AUH: variants seen among roughly 807,000 people sequenced by gnomAD.
AUH encodes the protein AU RNA binding methylglutaconyl-CoA hydratase.
AUH carries 29 observed loss-of-function variants against 42.3 expected under a neutral mutation model. That is an observed-to-expected ratio of 0.69 (90% CI 0.51 to 0.93). The LOEUF (loss-of-function observed/expected upper bound fraction) is 0.93, where lower values mean the gene tolerates loss of function less well. AUH is among the 40% of genes least tolerant of loss of function. AUH has a pLI of 0.00. For synonymous variants in AUH, 174 were observed against 166.4 expected (o/e 1.05, Z -0.35); for missense variants, 452 against 438.1 (o/e 1.03, Z -0.28).
At chr9:91,307,815 T>TAGGG (rs1412617910) in intron 4 of AUH, among the ~76,000 whole-genome samples, 1 of 152,196 alleles carries the variant, frequency 6.6e-6, no homozygotes, top group African/African-American at 2.4e-5. Flanking sequence ...AGACATCCAC[T>TAGGG]AGGGGTCTTG....
At chr9:91,281,850 A>T (rs1030149083) in intron 6 of AUH, among the ~76,000 whole-genome samples, 7 of 152,140 alleles carry the variant, frequency 4.6e-5, no homozygotes, top group African/African-American at 1.7e-4. Flanking sequence ...CTTCAACTAC[A>T]GCAACAGGCT....
chr9:91,320,033 T>C (rs1038311029), intron 4 of AUH, among the ~76,000 whole-genome samples: 1 of 152,228 alleles, frequency 6.6e-6, no homozygotes, highest in African/African-American at 2.4e-5. Flanking sequence ...GCTACAGACC[T>C]GTACAGATTC....
intron 4 of AUH, among the ~76,000 whole-genome samples, chr9:91,310,424 T>G (rs988444165): frequency 6.6e-5 from 10 of 152,204 alleles, no homozygotes; most frequent in African/African-American, 2.2e-4. Flanking sequence ...CTCAATCAGG[T>G]ACCTACCATG....
intron 1 of AUH, among the ~76,000 whole-genome samples, chr9:91,358,755 G>T (rs1307651840): frequency 6.6e-6 from 1 of 152,076 alleles, no homozygotes; most frequent in Admixed American, 6.5e-5. Context: ...AGCAATTTTG[G>T]TCCCATATCT....
At chr9:91,216,377 C>T (rs1181161618) in intron 8 of AUH, among the ~76,000 whole-genome samples, 2 of 152,004 alleles carry the variant, frequency 1.3e-5, no homozygotes, top group African/African-American at 4.8e-5. Flanking sequence ...AATTATAATG[C>T]TCACCAAATG....
At chr9:91,228,140 C>T (rs1319810288) in intron 6 of AUH, among the ~76,000 whole-genome samples, 4 of 151,708 alleles carry the variant, frequency 2.6e-5, no homozygotes, top group Admixed American at 1.3e-4. Flanking sequence ...ACCAGTTCCT[C>T]CTTGTACCTC....
Position 91,361,873 on chromosome 9 carries a change from G to T in AUH, c.17C>A (p.Ala6Glu), listed in dbSNP as rs957787337. 6.8e-6 allele frequency: 10 copies of T among 1,466,658 alleles called. No homozygotes were observed. Among genetic ancestry groups the T allele is most frequent in the East Asian group, 2.9e-5 (1 of 34,402 alleles). 90.9% of individuals were successfully genotyped at this position (1,466,658 alleles called of 1,614,324 possible). Residue 6 changes from alanine (A) to glutamate (E), a missense_variant, in exon 1 of 10, where the codon GCG becomes GAG. Ala to Glu is a moderately radical substitution (Grantham distance 107, BLOSUM62 -1). Transcript: ENST00000375731. Reference protein sequence around the residue: MAAAVAAAPGALGSLH... With the variant: MAAAVEAAPGALGSLH... ...GGATCCCAAGGCCCCAGGTGCCGCC[G>T]CCACCGCGGCCGCCATGTTGTCTGT...
chr9:91,298,071 G>A lies in AUH; in HGVS notation c.511C>T (p.Leu171Phe). ...ATTGCTGCAATTGTTGGTACTGGAA[G>A]ATTAGCTGAAATGGAAAGAAAATTT... The part of the protein sequence containing the change: ...IRAVINDIAN[L>F]PVPTIAAIDG... The change falls in exon 5 of 10, where the codon CTT becomes TTT. Residue 171 changes from leucine to phenylalanine, a missense_variant. Physicochemically the swap from Leu to Phe is conservative, Grantham distance 22. Transcript: ENST00000375731. The A allele has an allele frequency of 1.9e-6, 3 of 1,612,986 alleles. No individual in the cohort carries two copies. The highest frequency in any genetic ancestry group is 2.2e-5 in the South Asian group (2 of 91,050).
chr9:91,331,104 A>C (rs903470119), intron 3 of AUH, among the ~76,000 whole-genome samples: 2 of 151,852 alleles, frequency 1.3e-5, no homozygotes, highest in Non-Finnish European at 2.9e-5. Flanking sequence ...TTTACGCCAA[A>C]CTCTTCAGAA....
At chr9:91,313,823 C>CT (rs983262629) in intron 4 of AUH, among the ~76,000 whole-genome samples, 3,997 of 54,794 alleles carry the variant, frequency 0.073, 73 homozygotes, top group Non-Finnish European at 0.088. Context: ...CATAAACGCT[C>CT]TTTTTTTTTT....
chr9:91,285,584 T>C (rs1451433411), intron 6 of AUH, among the ~76,000 whole-genome samples: 1 of 152,130 alleles, frequency 6.6e-6, no homozygotes, highest in Admixed American at 6.6e-5. Flanking sequence ...GCAGTTATGA[T>C]GTTTGCTCAC....
chr9:91,321,285 TG>T (rs1829547972), intron 4 of AUH, among the ~76,000 whole-genome samples: 1 of 152,218 alleles, frequency 6.6e-6, no homozygotes, highest in Non-Finnish European at 1.5e-5. Flanking sequence ...AGTGAGTACT[TG>T]ACTTATTTCA....
At chr9:91,264,058 G>T (rs1211814053) in intron 6 of AUH, among the ~76,000 whole-genome samples, 1 of 151,948 alleles carries the variant, frequency 6.6e-6, no homozygotes, top group Non-Finnish European at 1.5e-5. Flanking sequence ...CCACTATCAA[G>T]ACTTTATCAC....
chr9:91,350,903 A>T (rs1259767478), intron 3 of AUH, among the ~76,000 whole-genome samples: 1 of 152,188 alleles, frequency 6.6e-6, no homozygotes, highest in Non-Finnish European at 1.5e-5. Flanking sequence ...GCTTAATATA[A>T]TTTGTTAATA....
intron 3 of AUH, among the ~76,000 whole-genome samples, chr9:91,337,074 A>T (rs541899679): frequency 1.3e-5 from 2 of 152,324 alleles, no homozygotes; most frequent in Admixed American, 1.3e-4. Flanking sequence ...ATCATATGAG[A>T]TCCAACAATA....
chr9:91,307,573 C>G (rs529795582), intron 4 of AUH, among the ~76,000 whole-genome samples: 1 of 152,320 alleles, frequency 6.6e-6, no homozygotes, highest in South Asian at 2.1e-4. Flanking sequence ...CACCATCCTG[C>G]TCCATCCCTT....
intron 4 of AUH, among the ~76,000 whole-genome samples, chr9:91,319,346 A>G: frequency 6.6e-6 from 1 of 152,192 alleles, no homozygotes; most frequent in East Asian, 1.9e-4. Context: ...AATTCCCCTC[A>G]AGTACTGTTA....
Position 91,333,906 on chromosome 9 carries a change from T to C in AUH, c.419-8502A>G, listed in dbSNP as rs144727403. The stretch of plus-strand genomic sequence containing the variant: ...TTCATAGGCTTTTTTCCCCTCCCTG[T>C]AGCAACAAAGCAAAGATCAGGAATA... On this transcript the variant is annotated intron_variant, in intron 3 of 9. Coordinates refer to ENST00000375731, the MANE Select transcript of AUH (RefSeq NM_001698.3). 9.9e-4 allele frequency among the ~76,000 whole-genome samples: 150 copies of C among 152,276 alleles called. 1 individual carries two copies. Among genetic ancestry groups the C allele is most frequent in the African/African-American group, 3.3e-3 (137 of 41,552 alleles).
At chr9:91,313,864 C>T (rs924934294) in intron 4 of AUH, among the ~76,000 whole-genome samples, 5 of 150,382 alleles carry the variant, frequency 3.3e-5, no homozygotes, top group Admixed American at 3.3e-4. Flanking sequence ...CTCTTGTCGC[C>T]CAGGCTGGAG....
Sources: allele counts gnomAD v4.1 joint callset (sites outside exome capture counted in the v4.1 genomes callset), GRCh38; gene constraint gnomAD v4.1.1; transcripts MANE v1.5; gene names NCBI Gene and HGNC (gene_info 2026-07-23, HGNC 2026-07-21).